KCTD19: variants seen among roughly 807,000 people sequenced by gnomAD.
KCTD19 encodes the protein BTB/POZ domain-containing protein KCTD19.
A neutral mutation model predicts 103.5 loss-of-function variants in KCTD19; 67 were observed. That is an observed-to-expected ratio of 0.65 (90% CI 0.53 to 0.79). The LOEUF (loss-of-function observed/expected upper bound fraction) is 0.79, where lower values mean the gene tolerates loss of function less well. Ranked by LOEUF, KCTD19 falls within the 30% of genes least tolerant of loss-of-function variation. KCTD19 has a pLI of 0.00. For missense variants in KCTD19, 980 were observed against 1,136.1 expected (o/e 0.86, Z 1.98); for synonymous variants, 439 against 452.2 (o/e 0.97, Z 0.37).
At chr16:67,309,778 G>A (rs1455919677) in intron 2 of KCTD19, among the ~76,000 whole-genome samples, 3 of 152,216 alleles carry the variant, frequency 2.0e-5, no homozygotes, top group Non-Finnish European at 4.4e-5. Context: ...GGTACTGGAT[G>A]TGTCCTCTGG....
Position 67,295,088 on chromosome 16 carries a change from A to G in KCTD19, c.1392-32T>C, listed in dbSNP as rs531423837. On this transcript the variant is annotated intron_variant, in intron 9 of 15. Transcript: ENST00000304372. ...ACAACAAGGAGATATCCAGCTGGGC[A>G]GCTAGGATGAGGGTGTGGGAGGGAG... The G allele has an allele frequency of 6.3e-6, 10 of 1,595,600 alleles. No homozygotes were observed. In the African/African-American group the frequency reaches 9.4e-5, roughly 15 times the overall value.
At position 67,304,443 on chromosome 16, in the gene KCTD19, T is replaced by G; in HGVS notation, c.429A>C (p.Pro143=). 1 of 1,614,020 alleles carries G rather than the reference T, an allele frequency of 6.2e-7. No individual in the cohort carries two copies. The highest frequency in any genetic ancestry group is 8.5e-7 in the Non-Finnish European group (1 of 1,179,902). The change falls in exon 3 of 16, where the codon CCA becomes CCC. Residue 143 remains proline, a synonymous_variant. Coordinates refer to ENST00000304372, the MANE Select transcript of KCTD19 (RefSeq NM_001100915.3). ...WKCISKPSEF[P]IKSPAFTGLH... ...CACCTGTAAAGGCTGGGCTTTTAAT[T>G]GGAAATTCTGAGGGTTTGCTAATAC...
intron 2 of KCTD19, among the ~76,000 whole-genome samples, chr16:67,306,391 G>A (rs1026858296): frequency 5.9e-5 from 9 of 152,030 alleles, no homozygotes; most frequent in African/African-American, 2.2e-4. Context: ...TTAGCCTCCC[G>A]AGTACCTGGG....
intron 2 of KCTD19, among the ~76,000 whole-genome samples, chr16:67,314,822 TATATATATAG>T (rs1323552768): frequency 9.8e-4 from 69 of 70,588 alleles, no homozygotes; most frequent in South Asian, 1.6e-3. Flanking sequence ...TATATATATA[TATATATATAG>T]AGAGAGAGAG....
At position 67,289,477 on chromosome 16, in the gene KCTD19, T is replaced by G; in HGVS notation, c.*92A>C. The G allele has an allele frequency of 1.4e-6, 1 of 735,292 alleles. No individual in the cohort carries two copies. 45.5% of individuals were successfully genotyped at this position (735,292 alleles called of 1,614,324 possible). ...GTTTATAATAAAAAATAGACTGATA[T>G]GTACCCTCTGATGGGCACATGCATT... On this transcript the variant is annotated 3_prime_UTR_variant, in exon 16 of 16. Transcript: ENST00000304372.
chr16:67,303,108 C>CTGGGCG lies in KCTD19; in HGVS notation c.643+37_643+38insCGCCCA. 6 of 798,072 alleles carry CTGGGCG rather than the reference C, an allele frequency of 7.5e-6. No individual in the cohort carries two copies. The highest frequency in any genetic ancestry group is 2.8e-5 in the East Asian group (1 of 36,054). The allele number at this position is 798,072 out of a possible 1,614,324, so 49.4% of individuals were successfully genotyped here. A position where few individuals can be genotyped will look rare whatever the true frequency, so the allele number is the denominator to read the frequency against. ...ATGGGGAGGGGTGAATGGGCCCTAT[C>CTGGGCG]AGCCCGCCCCCCACCCCACCCCGGA... is the stretch of plus-strand genomic sequence containing the variant. On this transcript the variant is annotated intron_variant, in intron 4 of 15. Coordinates refer to ENST00000304372, the MANE Select transcript of KCTD19 (RefSeq NM_001100915.3). The surrounding 1 kb of genome is among the most constrained non-coding windows in gnomAD (Gnocchi z 4.3).
chr16:67,294,484 C>T, intron 11 of KCTD19, 96 bp downstream of exon 11: 1 of 851,118 alleles, frequency 1.2e-6, no homozygotes, highest in Non-Finnish European at 2.0e-6. Flanking sequence ...TTTCATTTTG[C>T]TGCACCCACC....
intron 2 of KCTD19, among the ~76,000 whole-genome samples, chr16:67,317,764 C>T (rs1181433315): frequency 6.6e-6 from 1 of 152,120 alleles, no homozygotes. Flanking sequence ...TCACATACGT[C>T]GCTCACATTA....
Position 67,293,441 on chromosome 16 carries a change from G to A in KCTD19, c.2218+103C>T, listed in dbSNP as rs931365634. On this transcript the variant is annotated intron_variant, in intron 12 of 15. Transcript: ENST00000304372. This position sits in a 1 kb window ranked among gnomAD's most constrained non-coding sequence, Gnocchi z 4.0. ...ACAGAGATGGCATTGGTGAGCGGGG[G>A]GGTCTAGTCCTCCTTTGTCACTAAC... The A allele has an allele frequency of 7.9e-7, 1 of 1,268,724 alleles. No homozygotes were observed. The highest frequency in any genetic ancestry group is 1.1e-6 in the Non-Finnish European group (1 of 906,052). The allele number at this position is 1,268,724 out of a possible 1,614,324, so 78.6% of individuals were successfully genotyped here. A position where few individuals can be genotyped will look rare whatever the true frequency, so the allele number is the denominator to read the frequency against.
intron 12 of KCTD19, among the ~76,000 whole-genome samples, chr16:67,292,142 G>A (rs1484372040): frequency 6.6e-6 from 1 of 152,216 alleles, no homozygotes; most frequent in Non-Finnish European, 1.5e-5. Context: ...TGGGATTACA[G>A]GCGTGAGCCA....
At chr16:67,291,184 G>T in intron 14 of KCTD19, 125 bp downstream of exon 14, 1 of 1,265,078 alleles carries the variant, frequency 7.9e-7, no homozygotes, top group Non-Finnish European at 1.1e-6. Context: ...CACTCTTCTG[G>T]CCCTGGCCTT....
At chr16:67,297,773 C>T in intron 6 of KCTD19, 110 bp from the exon 7 acceptor site, 1 of 998,752 alleles carries the variant, frequency 1.0e-6, no homozygotes, top group South Asian at 1.6e-5. Flanking sequence ...TGGCTTAAAT[C>T]AGGCATCATT....
chr16:67,320,733 C>T lies in KCTD19; in HGVS notation c.156G>A (p.Gln52=). 1.2e-6 allele frequency: 2 copies of T among 1,614,184 alleles called. No homozygotes were observed. Among genetic ancestry groups the T allele is most frequent in the East Asian group, 2.2e-5 (1 of 44,878 alleles). ...EASALTSSES[Q]RLFIDRDGST... ...AACCATCTCTGTCGATAAATAGCCTCTGGCTTTCTGAAGAGGTCAAGGCTG... is the reference window on the plus strand; with the variant it reads ...AACCATCTCTGTCGATAAATAGCCTTTGGCTTTCTGAAGAGGTCAAGGCTG... Residue 52 remains glutamine, a synonymous_variant, in exon 2 of 16, where the codon CAG becomes CAA. Transcript: ENST00000304372. This position sits in a 1 kb window ranked among gnomAD's most constrained non-coding sequence, Gnocchi z 4.0.
At chr16:67,322,282 C>G (rs1262104146) in intron 1 of KCTD19, among the ~76,000 whole-genome samples, 1 of 149,066 alleles carries the variant, frequency 6.7e-6, no homozygotes, top group Admixed American at 6.6e-5. Context: ...GTGAAACAGA[C>G]CTAAAACTAT....
chr16:67,299,156 A>G (rs2036802973), intron 6 of KCTD19, among the ~76,000 whole-genome samples: 1 of 152,210 alleles, frequency 6.6e-6, no homozygotes, highest in Non-Finnish European at 1.5e-5. Context: ...AACCTTGGCA[A>G]CCCTTGTACC....
At position 67,296,915 on chromosome 16, in the gene KCTD19, G is replaced by A. The variant is rs544868034; in HGVS notation, c.1147+588C>T. On this transcript the variant is annotated intron_variant, in intron 7 of 15. Transcript: ENST00000304372. ...CCAGGAAGAAAGGGACTAAGTCTGTGTTGCTTACTTCTGTGCCGCCAGTGT... is the reference window on the plus strand; with the variant it reads ...CCAGGAAGAAAGGGACTAAGTCTGTATTGCTTACTTCTGTGCCGCCAGTGT... Among the ~76,000 whole-genome samples, 3 of 152,330 alleles carry A rather than the reference G, an allele frequency of 2.0e-5. No individual in the cohort carries two copies. In the East Asian group the frequency reaches 5.8e-4, roughly 29 times the overall value.
chr16:67,291,089 AG>A lies in KCTD19; in HGVS notation c.2566-104del, dbSNP rs1284571402. ...TCTGGGCCCACAGAGCCACAGGGGT[AG>A]GGGGCGGGCACTGTCACTGCAAATC... is the stretch of plus-strand genomic sequence containing the variant. On this transcript the variant is annotated intron_variant, in intron 14 of 15. Transcript: ENST00000304372. The A allele has an allele frequency of 7.6e-6, 10 of 1,307,682 alleles. No individual in the cohort carries two copies. The East Asian group carries it at 2.2e-4, about 29-fold the overall frequency. The allele number at this position is 1,307,682 out of a possible 1,614,324, so 81.0% of individuals were successfully genotyped here.
intron 2 of KCTD19, among the ~76,000 whole-genome samples, chr16:67,308,674 C>T (rs542553397): frequency 2.0e-3 from 268 of 137,084 alleles, no homozygotes; most frequent in Non-Finnish European, 2.4e-3. Flanking sequence ...GTCATCCCCC[C>T]ACTTTGTTCC....
In KCTD19 at chr16:67,320,899, G is replaced by GA; in HGVS notation, c.4-15dup. ...GCCAGACTCCTCCTAAAGGGGGAAT[G>GA]AAAAAGAGATCTACGCAAGAAAAAG... On this transcript the variant is annotated splice_polypyrimidine_tract_variant and intron_variant, in intron 1 of 15. Transcript: ENST00000304372. This position sits in a 1 kb window ranked among gnomAD's most constrained non-coding sequence, Gnocchi z 4.0. 1.3e-6 allele frequency: 2 copies of GA among 1,582,776 alleles called. No individual in the cohort carries two copies. Among genetic ancestry groups the GA allele is most frequent in the Non-Finnish European group, 8.6e-7 (1 of 1,167,474 alleles).
Sources: allele counts gnomAD v4.1 joint callset (sites outside exome capture counted in the v4.1 genomes callset), GRCh38; gene constraint gnomAD v4.1.1; non-coding constraint Gnocchi (gnomAD v3.1); transcripts MANE v1.5; gene names NCBI Gene and HGNC (gene_info 2026-07-23, HGNC 2026-07-21).